SLC35F2: variants seen among roughly 807,000 people sequenced by gnomAD.
SLC35F2 encodes the protein solute carrier family 35 member F2, also known as queuine/queuosine transporter SLC35F2.
A neutral mutation model predicts 38.1 loss-of-function variants in SLC35F2; 25 were observed. That is an observed-to-expected ratio of 0.66 (90% CI 0.48 to 0.92). The LOEUF (loss-of-function observed/expected upper bound fraction) is 0.92. SLC35F2 is among the 40% of genes least tolerant of loss of function. The pLI, the probability that SLC35F2 is intolerant of heterozygous loss-of-function variation, is 0.00. For missense variants in SLC35F2, 409 were observed against 452.9 expected, an observed-to-expected ratio of 0.90 and a Z score of 0.88; for synonymous variants, 173 against 181.7, an observed-to-expected ratio of 0.95 and a Z score of 0.38.
At chr11:107,858,158 G>A (rs1860325567) in intron 1 of SLC35F2, among the ~76,000 whole-genome samples, 1 of 152,174 alleles carries the variant, frequency 6.6e-6, no homozygotes, top group South Asian at 2.1e-4. Flanking sequence ...GCCGGCTCTG[G>A]TCTCCCACCC....
intron 7 of SLC35F2, among the ~76,000 whole-genome samples, chr11:107,798,006 T>C (rs924876976): frequency 6.6e-6 from 1 of 151,996 alleles, no homozygotes. Context: ...TTGTTATTTT[T>C]ATTTATTTAT....
At chr11:107,826,798 C>T (rs982111668) in intron 1 of SLC35F2, among the ~76,000 whole-genome samples, 2 of 151,848 alleles carry the variant, frequency 1.3e-5, no homozygotes, top group Admixed American at 6.6e-5. Context: ...TTAAAATATA[C>T]TAATTTGATA....
rs944719144 is a variant in SLC35F2 at position 107,815,913 on chromosome 11, C to T, written c.163G>A (p.Gly55Arg). Reference sequence around the variant, plus strand: ...AAATACTGGCTGGTGATGGCTGTCCCACATATACACAAGGACAACATCTGA... The same window carrying T: ...AAATACTGGCTGGTGATGGCTGTCCTACATATACACAAGGACAACATCTGA... Reference protein sequence around the residue: ...LGQMLSLCICGTAITSQYLAE... With the variant: ...LGQMLSLCICRTAITSQYLAE... The change falls in exon 2 of 8, where the codon GGG (glycine) becomes AGG (arginine). Residue 55 changes from glycine (G) to arginine (R), a missense_variant. By Grantham distance (125) the Gly-to-Arg change is moderately radical. Coordinates refer to ENST00000525815, the MANE Select transcript of SLC35F2 (RefSeq NM_017515.5). 2.5e-6 allele frequency: 4 copies of T among 1,613,850 alleles called. No homozygotes were observed. Among genetic ancestry groups the T allele is most frequent in the Non-Finnish European group, 3.4e-6 (4 of 1,179,998 alleles).
chr11:107,840,143 G>A (rs1231943111), intron 1 of SLC35F2, among the ~76,000 whole-genome samples: 1 of 152,138 alleles, frequency 6.6e-6, no homozygotes, highest in Non-Finnish European at 1.5e-5. Flanking sequence ...AATTCTAAGA[G>A]GTGCACAAAC....
At chr11:107,852,596 G>A (rs565100919) in intron 1 of SLC35F2, among the ~76,000 whole-genome samples, 12 of 151,346 alleles carry the variant, frequency 7.9e-5, no homozygotes, top group African/African-American at 1.5e-4. Flanking sequence ...CTGGCTGGGC[G>A]CAGTGGCTCA....
At chr11:107,848,312 A>C (rs1375795282) in intron 1 of SLC35F2, among the ~76,000 whole-genome samples, 1 of 152,206 alleles carries the variant, frequency 6.6e-6, no homozygotes, top group Admixed American at 6.5e-5. Flanking sequence ...GAGGGGCAGC[A>C]GTTTGAGCTC....
chr11:107,840,596 G>GA (rs1859999978), intron 1 of SLC35F2: 1 of 152,176 alleles, frequency 6.6e-6, no homozygotes, highest in African/African-American at 2.4e-5. Flanking sequence ...GCAATCCTCA[G>GA]ATGAAGATAA....
chr11:107,847,514 G>A (rs780552684), intron 1 of SLC35F2, among the ~76,000 whole-genome samples: 1 of 152,056 alleles, frequency 6.6e-6, no homozygotes, highest in African/African-American at 2.4e-5. Flanking sequence ...ACATATCATG[G>A]GAGGAATTGC....
At chr11:107,802,738 G>C (rs902880617) in intron 7 of SLC35F2, among the ~76,000 whole-genome samples, 2 of 152,148 alleles carry the variant, frequency 1.3e-5, no homozygotes, top group Non-Finnish European at 2.9e-5. Flanking sequence ...GAAAACATGC[G>C]TTAACAATTC....
Position 107,805,368 on chromosome 11 carries a change from C to A in SLC35F2, c.722G>T (p.Gly241Val). The A allele has an allele frequency of 6.2e-7, 1 of 1,613,212 alleles. No individual in the cohort carries two copies. The highest frequency in any genetic ancestry group is 8.5e-7 in the Non-Finnish European group (1 of 1,179,730). The change falls in exon 5 of 8, where the codon GGT becomes GTT. Residue 241 changes from glycine (G) to valine (V), a missense_variant. Transcript: ENST00000525815. ...MVGLFGTIISGIQLLIVEYKD... is the reference protein window; with the variant it reads ...MVGLFGTIISVIQLLIVEYKD... ...AATTGTAGAATCTTACAGCTGTATACCACTGATAATTGTTCCAAACAGGCC... is the reference window on the plus strand; with the variant it reads ...AATTGTAGAATCTTACAGCTGTATAACACTGATAATTGTTCCAAACAGGCC...
At chr11:107,818,304 G>C (rs1055158415) in intron 1 of SLC35F2, among the ~76,000 whole-genome samples, 2 of 151,956 alleles carry the variant, frequency 1.3e-5, no homozygotes, top group Non-Finnish European at 2.9e-5. Flanking sequence ...AGTAGTGCAC[G>C]CCTGTAATCC....
At chr11:107,854,427 G>A (rs559593103) in intron 1 of SLC35F2, among the ~76,000 whole-genome samples, 18 of 145,442 alleles carry the variant, frequency 1.2e-4, no homozygotes, top group African/African-American at 4.3e-4. Context: ...GTGAGAGCCT[G>A]TCTCAAAAAA....
At chr11:107,845,999 C>T (rs1043078188) in intron 1 of SLC35F2, among the ~76,000 whole-genome samples, 2 of 148,728 alleles carry the variant, frequency 1.3e-5, no homozygotes, top group African/African-American at 5.0e-5. Context: ...AACATAGGCT[C>T]CTGTCATTAT....
rs71303238 is a variant in SLC35F2, at chr11:107,800,903, C to CTTTTT, written c.939+2093_939+2097dup. 3.6e-3 allele frequency among the ~76,000 whole-genome samples: 458 copies of CTTTTT among 126,134 alleles called. 16 individuals carry two copies. The highest frequency in any genetic ancestry group is 0.012 in the African/African-American group (380 of 30,912). 82.7% of individuals were successfully genotyped at this position (126,134 alleles called of 152,430 possible). ...ATCTATACAGTGAAAGCTATTACTACTTTTTTTTTTTTTTTTTTTTTTGAG... is the reference window on the plus strand; with the variant it reads ...ATCTATACAGTGAAAGCTATTACTACTTTTTTTTTTTTTTTTTTTTTTTTTTTGAG... On this transcript the variant is annotated intron_variant, in intron 7 of 7. Coordinates refer to ENST00000525815, the MANE Select transcript of SLC35F2 (RefSeq NM_017515.5).
At chr11:107,819,766 A>G (rs571597979) in intron 1 of SLC35F2, among the ~76,000 whole-genome samples, 41 of 152,320 alleles carry the variant, frequency 2.7e-4, no homozygotes, top group African/African-American at 8.4e-4. Flanking sequence ...CGATTTCCCT[A>G]TATTTCATTG....
chr11:107,795,082 G>A (rs1859196698), intron 7 of SLC35F2, among the ~76,000 whole-genome samples: 1 of 152,116 alleles, frequency 6.6e-6, no homozygotes, highest in African/African-American at 2.4e-5. Flanking sequence ...CTTATGGACT[G>A]GAAGGATTAA....
intron 6 of SLC35F2, chr11:107,803,415 G>A (rs1166952694): frequency 1.0e-6 from 1 of 985,142 alleles, no homozygotes; most frequent in African/African-American, 1.7e-5. Flanking sequence ...CCTGCTTATG[G>A]TGTGACAGTC....
At position 107,843,868 on chromosome 11, in the gene SLC35F2, AATAT is replaced by A. The variant is rs1178673709; in HGVS notation, c.110+14786_110+14789del. ...TCTTAAAAAAAAAAAAAAAAAAAAA[AATAT>A]ATATATATATATATATATATATATA... On this transcript the variant is annotated intron_variant, in intron 1 of 7. Transcript: ENST00000525815. Among the ~76,000 whole-genome samples the A allele has an allele frequency of 9.5e-3, 445 of 46,724 alleles. 6 individuals carry two copies. Among genetic ancestry groups the A allele is most frequent in the Middle Eastern group, 0.038 (2 of 52 alleles). 30.7% of individuals were successfully genotyped at this position (46,724 alleles called of 152,430 possible).
chr11:107,858,491 C>A (rs1411273541), intron 1 of SLC35F2, 167 bp downstream of exon 1: 3 of 515,810 alleles, frequency 5.8e-6, no homozygotes, highest in Admixed American at 8.8e-5. Context: ...CCAGGTGAAG[C>A]GCACCATACC....
Sources: gnomAD v4.1 joint callset for allele counts (sites outside exome capture counted in the v4.1 genomes callset) on GRCh38, gnomAD v4.1.1 for gene constraint, MANE v1.5 for transcripts, NCBI Gene and HGNC (gene_info 2026-07-23, HGNC 2026-07-21) for gene names.